Variants in MLXIPL observed in about 807,000 individuals in gnomAD.
The protein encoded by MLXIPL is carbohydrate-responsive element-binding protein.
Under a neutral mutation model 81.5 loss-of-function variants are expected in MLXIPL, and 49 were observed. That is an observed-to-expected ratio of 0.60 (90% CI 0.48 to 0.76). The LOEUF is 0.76. Among genes scored for constraint, MLXIPL ranks in the 30% least tolerant of loss-of-function variants. MLXIPL has a pLI of 0.00. For synonymous variants in MLXIPL, 466 were observed against 485.5 expected, an observed-to-expected ratio of 0.96 and a Z score of 0.53; for missense variants, 1,053 against 1,167.0, an observed-to-expected ratio of 0.90 and a Z score of 1.42.
Position 73,624,399 on chromosome 7 carries a change from G to A in MLXIPL, c.94C>T (p.Pro32Ser). The A allele has an allele frequency of 6.4e-7, 1 of 1,566,564 alleles. No homozygotes were observed. The highest frequency in any genetic ancestry group is 2.3e-5 in the East Asian group (1 of 42,574). ...CCGCCCGCGCTGCGCCGGAGACTCG[G>A]GTCCTCCGAGTCTGTGTCCGAGTCC... is the stretch of plus-strand genomic sequence containing the variant. ...DSDSDTDSED[P>S]SLRRSAGGLL... The change falls in exon 1 of 17, where the codon CCG (proline) becomes TCG (serine). Residue 32 changes from proline to serine, a missense_variant. Physicochemically the swap from Pro to Ser is moderately conservative, Grantham distance 74. Coordinates refer to ENST00000313375, the MANE Select transcript of MLXIPL (RefSeq NM_032951.3).
chr7:73,630,080 T>C, the MLXIPL span, among the ~76,000 whole-genome samples: 1 of 151,502 alleles, frequency 6.6e-6, no homozygotes, highest in African/African-American at 2.4e-5. Flanking sequence ...TCACTGCAAA[T>C]TCCGCCTCTT....
chr7:73,604,965 A>G (rs922865521), intron 7 of MLXIPL, among the ~76,000 whole-genome samples: 1 of 152,042 alleles, frequency 6.6e-6, no homozygotes, highest in East Asian at 1.9e-4. Flanking sequence ...GGGTTTCACC[A>G]TATTGGTCAG....
chr7:73,641,616 C>A, the MLXIPL span, among the ~76,000 whole-genome samples: 1 of 152,048 alleles, frequency 6.6e-6, no homozygotes, highest in Non-Finnish European at 1.5e-5. Flanking sequence ...GTGTGTCCTG[C>A]GATTCAATTC....
chr7:73,628,643 G>C (rs1796789528), upstream of MLXIPL, among the ~76,000 whole-genome samples: 1 of 152,156 alleles, frequency 6.6e-6, no homozygotes, highest in Non-Finnish European at 1.5e-5. Flanking sequence ...TTAGAAGTGT[G>C]AGCCACTTGT....
intron 2 of MLXIPL, 43 bp from the exon 3 acceptor site, chr7:73,607,715 C>T (rs1482733655): frequency 1.3e-5 from 20 of 1,559,508 alleles, no homozygotes; most frequent in African/African-American, 4.1e-5. Context: ...GCTTCCTCAT[C>T]CCCCACCTCA....
rs781894101 is a variant in MLXIPL at position 73,596,469 on chromosome 7, C to A, written c.1833G>T (p.Arg611=). ...LSPPAPSGSE[R]RLSGDLSSMP... Reference sequence around the variant, plus strand: ...TGGAGCTGAGGTCCCCTGACAGCCGCCGTTCACTGCCTGTGGTAGGGACAG... The same window carrying A: ...TGGAGCTGAGGTCCCCTGACAGCCGACGTTCACTGCCTGTGGTAGGGACAG... The change falls in exon 12 of 17, where the codon CGG becomes CGT. Residue 611 remains arginine, a synonymous_variant. Coordinates refer to ENST00000313375, the MANE Select transcript of MLXIPL (RefSeq NM_032951.3). This position sits in a 1 kb window ranked among gnomAD's most constrained non-coding sequence, Gnocchi z 4.7. The A allele has an allele frequency of 6.2e-7, 1 of 1,612,892 alleles. No individual in the cohort carries two copies. Among genetic ancestry groups the A allele is most frequent in the Admixed American group, 1.7e-5 (1 of 60,004 alleles).
chr7:73,612,477 C>T (rs960741444), intron 2 of MLXIPL, among the ~76,000 whole-genome samples: 2 of 151,742 alleles, frequency 1.3e-5, no homozygotes, highest in African/African-American at 2.4e-5. Flanking sequence ...CCTGTCTCTA[C>T]CGAAAATACA....
chr7:73,616,892 G>A (rs1796037837), intron 1 of MLXIPL, among the ~76,000 whole-genome samples: 1 of 151,896 alleles, frequency 6.6e-6, no homozygotes. Context: ...GAGTCAGGGA[G>A]GAAAGGGGCA....
rs71082239 is a variant in MLXIPL, at chr7:73,615,912, CAAA to C, written c.400+156_400+158del. Among the ~76,000 whole-genome samples the C allele has an allele frequency of 6.8e-3, 360 of 53,218 alleles. 3 individuals are homozygous for C. The highest frequency in any genetic ancestry group is 0.021 in the Middle Eastern group (2 of 94). The allele number at this position is 53,218 out of a possible 152,430, so 34.9% of individuals were successfully genotyped here. On this transcript the variant is annotated intron_variant, in intron 2 of 16. Coordinates refer to ENST00000313375, the MANE Select transcript of MLXIPL (RefSeq NM_032951.3). ...TGGGCAACAGAGCAAGACTGTGTCT[CAAA>C]AAAAAAAAAAAAAAAAAAAGGTTGG...
chr7:73,637,034 T>G, the MLXIPL span, among the ~76,000 whole-genome samples: 3 of 137,726 alleles, frequency 2.2e-5, no homozygotes, highest in Admixed American at 1.5e-4. Context: ...CACTCCAGCC[T>G]GGGCAACAGA....
intron 7 of MLXIPL, among the ~76,000 whole-genome samples, chr7:73,602,247 C>T (rs1485553999): frequency 3.1e-4 from 45 of 145,150 alleles, no homozygotes; most frequent in African/African-American, 1.1e-3. Context: ...GATGGAGTCT[C>T]GCTCTGTAGC....
intron 1 of MLXIPL, among the ~76,000 whole-genome samples, chr7:73,619,715 G>T (rs1223280878): frequency 3.3e-5 from 5 of 151,886 alleles, no homozygotes; most frequent in Non-Finnish European, 5.9e-5. Flanking sequence ...TGGATCACAA[G>T]GTCAGGAGAT....
chr7:73,631,205 T>A, the MLXIPL span, among the ~76,000 whole-genome samples: 2 of 151,876 alleles, frequency 1.3e-5, no homozygotes, highest in Non-Finnish European at 2.9e-5. Context: ...AGAGACTGGG[T>A]TTCACTGTGT....
chr7:73,607,160 T>A, intron 4 of MLXIPL, 142 bp from the exon 5 acceptor site: 1 of 1,282,152 alleles, frequency 7.8e-7, no homozygotes, highest in Non-Finnish European at 1.1e-6. Flanking sequence ...AGGAGGCCGC[T>A]AGGAGACGCT....
the MLXIPL span, among the ~76,000 whole-genome samples, chr7:73,637,060 A>AAAAAAG: frequency 4.7e-5 from 3 of 63,336 alleles, no homozygotes; most frequent in Non-Finnish European, 1.0e-4. Flanking sequence ...ATTCCATCTC[A>AAAAAAG]AAAAAAAAAA....
At chr7:73,621,697 A>ATCTCCCTCCCTCCCTCCC (rs1796366710) in intron 1 of MLXIPL, among the ~76,000 whole-genome samples, 3 of 27,988 alleles carry the variant, frequency 1.1e-4, no homozygotes, top group African/African-American at 1.4e-4. Flanking sequence ...CCCTCCCTCC[A>ATCTCCCTCCCTCCCTCCC]TCTCCCTCCC....
chr7:73,597,612 T>C lies in MLXIPL; in HGVS notation c.1173A>G (p.Val391=). The change falls in exon 9 of 17, where the codon GTA becomes GTG. Residue 391 remains valine (V), a synonymous_variant. Coordinates refer to ENST00000313375, the MANE Select transcript of MLXIPL (RefSeq NM_032951.3). ...DPKPRLPPPP[V]PPPLLHYPPP... ...GAGGGTAATGCAGCAGAGGTGGGGG[T>C]ACAGGAGGGGGTGGGAGCCGGGGCT... The C allele has an allele frequency of 2.2e-6, 1 of 464,456 alleles. No individual in the cohort carries two copies. Among genetic ancestry groups the C allele is most frequent in the South Asian group, 7.6e-5 (1 of 13,178 alleles). The allele number at this position is 464,456 out of a possible 1,614,324, so 28.8% of individuals were successfully genotyped here. A position where few individuals can be genotyped will look rare whatever the true frequency, so the allele number is the denominator to read the frequency against.
At chr7:73,644,490 AC>A in the MLXIPL span, among the ~76,000 whole-genome samples, 2 of 152,164 alleles carry the variant, frequency 1.3e-5, no homozygotes, top group Non-Finnish European at 2.9e-5. Flanking sequence ...AATTGCAGAC[AC>A]GAGCCACTGT....
the MLXIPL span, among the ~76,000 whole-genome samples, chr7:73,632,142 G>A: frequency 6.6e-6 from 1 of 151,538 alleles, no homozygotes; most frequent in Non-Finnish European, 1.5e-5. Flanking sequence ...ACCACACTCA[G>A]CTAATTTTTT....
Sources: allele counts gnomAD v4.1 joint callset (sites outside exome capture counted in the v4.1 genomes callset), GRCh38; gene constraint gnomAD v4.1.1; non-coding constraint Gnocchi (gnomAD v3.1); transcripts MANE v1.5; gene names NCBI Gene and HGNC (gene_info 2026-07-23, HGNC 2026-07-21).